Variants in SH3PXD2B observed in about 807,000 individuals in gnomAD.
The protein encoded by SH3PXD2B is SH3 and PX domains 2B, also known as SH3 and PX domain-containing protein 2B.
Under a neutral mutation model 73.1 loss-of-function variants are expected in SH3PXD2B, and 37 were observed. The ratio of observed to expected loss-of-function variants is 0.51; its 90% CI spans 0.39 to 0.67. The LOEUF (loss-of-function observed/expected upper bound fraction) is 0.67, where lower values mean the gene tolerates loss of function less well. Ranked by LOEUF, SH3PXD2B falls within the 30% of genes least tolerant of loss-of-function variation. The probability of loss-of-function intolerance (pLI) is 0.00; values close to 1 mark genes in which losing one functional copy is unlikely to be tolerated. For synonymous variants in SH3PXD2B, 457 were observed against 480.5 expected (o/e 0.95, Z 0.64); for missense variants, 1,053 against 1,197.8 (o/e 0.88, Z 1.78).
At chr5:172,343,947 T>A (rs1268403148) in intron 12 of SH3PXD2B, among the ~76,000 whole-genome samples, 2 of 151,326 alleles carry the variant, frequency 1.3e-5, no homozygotes, top group Non-Finnish European at 2.9e-5. Flanking sequence ...CTGAGTCTCA[T>A]CTATAAAACA....
chr5:172,339,678 C>T lies in SH3PXD2B; in HGVS notation c.1427G>A (p.Gly476Asp). Residue 476 changes from glycine to aspartate, a missense_variant, in exon 13 of 13, where the codon GGT (glycine) becomes GAT (aspartate). Gly to Asp is a moderately conservative substitution (Grantham distance 94, BLOSUM62 -1). Transcript: ENST00000311601. This position sits in a 1 kb window ranked among gnomAD's most constrained non-coding sequence, Gnocchi z 6.1. ...CCATGGCAACCCCGAGTCCATGACACCATGCGGTGCGTCAGGCAGGGGCCG... is the reference window on the plus strand; with the variant it reads ...CCATGGCAACCCCGAGTCCATGACATCATGCGGTGCGTCAGGCAGGGGCCG... ...PSRPLPDAPH[G>D]VMDSGLPWSK... The T allele has an allele frequency of 6.2e-7, 1 of 1,614,258 alleles. No homozygotes were observed. Among genetic ancestry groups the T allele is most frequent in the Admixed American group, 1.7e-5 (1 of 60,034 alleles).
At position 172,336,831 on chromosome 5, in the gene SH3PXD2B, T is replaced by C. The variant is rs1394914874; in HGVS notation, c.*1538A>G. 7.1e-6 allele frequency: 7 copies of C among 985,554 alleles called. No individual in the cohort carries two copies. Among genetic ancestry groups the C allele is most frequent in the Non-Finnish European group, 8.4e-6 (7 of 830,020 alleles). 61.1% of individuals were successfully genotyped at this position (985,554 alleles called of 1,614,324 possible). On this transcript the variant is annotated 3_prime_UTR_variant, in exon 13 of 13. Transcript: ENST00000311601. Reference sequence around the variant, plus strand: ...TTTTGCTTCTGCAGTGATTTAGTCATGCCTCTCCAGACCTCAGTTTGACAG... The same window carrying C: ...TTTTGCTTCTGCAGTGATTTAGTCACGCCTCTCCAGACCTCAGTTTGACAG...
intron 12 of SH3PXD2B, among the ~76,000 whole-genome samples, chr5:172,341,080 CTCTG>C (rs1055461842): frequency 2.0e-5 from 3 of 152,130 alleles, no homozygotes; most frequent in Non-Finnish European, 2.9e-5. Context: ...AGATCTTGTT[CTCTG>C]TCTCTTTTTT....
chr5:172,365,105 C>T (rs1561906161), intron 6 of SH3PXD2B, among the ~76,000 whole-genome samples: 1 of 152,184 alleles, frequency 6.6e-6, no homozygotes, highest in African/African-American at 2.4e-5. Flanking sequence ...GGCCTTTGGG[C>T]TGGGGACAAC....
At chr5:172,325,184 T>C in exon 13 of SH3PXD2B, 1 of 858,336 alleles carries the variant, frequency 1.2e-6, no homozygotes, top group East Asian at 2.7e-5. Flanking sequence ...TGGTAAGTTT[T>C]GTATTACGCA....
intron 3 of SH3PXD2B, among the ~76,000 whole-genome samples, chr5:172,398,822 CCT>C (rs1250206374): frequency 1.3e-5 from 2 of 152,174 alleles, no homozygotes; most frequent in East Asian, 3.9e-4. Flanking sequence ...AGGACTGACC[CCT>C]GAGGCTTCAC....
chr5:172,333,539 TTAA>T lies in SH3PXD2B; in HGVS notation c.*4827_*4829del, dbSNP rs1756611584. 2 of 1,118,558 alleles carry T rather than the reference TTAA, an allele frequency of 1.8e-6. No homozygotes were observed. The highest frequency in any genetic ancestry group is 4.3e-5 in the African/African-American group (2 of 46,248). The allele number at this position is 1,118,558 out of a possible 1,614,324, so 69.3% of individuals were successfully genotyped here. A position where few individuals can be genotyped will look rare whatever the true frequency, so the allele number is the denominator to read the frequency against. ...GAAACCAGTCAAGCACTTTTTTTAT[TTAA>T]AAAAAAAAAAAGGAAAGAAGTCAAA... On this transcript the variant is annotated 3_prime_UTR_variant, in exon 13 of 13. Coordinates refer to ENST00000311601, the MANE Select transcript of SH3PXD2B (RefSeq NM_001017995.3).
intron 10 of SH3PXD2B, among the ~76,000 whole-genome samples, chr5:172,348,654 C>CTATCTATCTTATCTTAT (rs1440672001): frequency 5.0e-5 from 3 of 60,450 alleles, no homozygotes; most frequent in South Asian, 7.4e-4. Context: ...ATCTATCTAT[C>CTATCTATCTTATCTTAT]CTATCTATCT....
At chr5:172,409,225 C>A (rs968353845) in intron 2 of SH3PXD2B, among the ~76,000 whole-genome samples, 1 of 151,790 alleles carries the variant, frequency 6.6e-6, no homozygotes, top group Non-Finnish European at 1.5e-5. Flanking sequence ...ACTAAAAATA[C>A]AAAAAAATTA....
Position 172,371,814 on chromosome 5 carries a change from A to C in SH3PXD2B, c.427+1976T>G, listed in dbSNP as rs181899896. 1.2e-4 allele frequency among the ~76,000 whole-genome samples: 19 copies of C among 152,234 alleles called. No homozygotes were observed. In the East Asian group the frequency reaches 2.5e-3, roughly 20 times the overall value. On this transcript the variant is annotated intron_variant, in intron 6 of 12. Coordinates refer to ENST00000311601, the MANE Select transcript of SH3PXD2B (RefSeq NM_001017995.3). ...CCTCCCACACCCATTCCTTCTAGGG[A>C]AAGTCTCTGCATACTCGAAACCAGA...
At chr5:172,371,385 A>G (rs1190008298) in intron 6 of SH3PXD2B, among the ~76,000 whole-genome samples, 1 of 152,186 alleles carries the variant, frequency 6.6e-6, no homozygotes, top group East Asian at 1.9e-4. Context: ...AGTCTGTAGG[A>G]GCCAGCCAGC....
intron 10 of SH3PXD2B, 136 bp downstream of exon 10, chr5:172,350,227 G>A: frequency 1.3e-6 from 1 of 799,480 alleles, no homozygotes; most frequent in Non-Finnish European, 2.0e-6. Context: ...GGGGTTTCTG[G>A]GCCTCTGTTT....
chr5:172,454,219 C>A, intron 1 of SH3PXD2B, 59 bp downstream of exon 1: 1 of 1,484,074 alleles, frequency 6.7e-7, no homozygotes, highest in South Asian at 1.2e-5. Flanking sequence ...GCCGGGGGCC[C>A]TCGGTCGCCC....
intron 3 of SH3PXD2B, among the ~76,000 whole-genome samples, chr5:172,395,851 G>A (rs571676695): frequency 3.9e-5 from 6 of 152,252 alleles, no homozygotes; most frequent in Non-Finnish European, 8.8e-5. Context: ...GAAGGTGTGG[G>A]AGGACCAAAG....
chr5:172,370,776 C>T (rs1739691664), intron 6 of SH3PXD2B, among the ~76,000 whole-genome samples: 1 of 152,206 alleles, frequency 6.6e-6, no homozygotes, highest in Non-Finnish European at 1.5e-5. Flanking sequence ...AAAAAAGGTT[C>T]ATTCATTTGA....
At chr5:172,423,135 C>T (rs531054193) in intron 1 of SH3PXD2B, among the ~76,000 whole-genome samples, 26 of 152,268 alleles carry the variant, frequency 1.7e-4, no homozygotes, top group East Asian at 1.3e-3. Flanking sequence ...CGTCACGGCA[C>T]GCACAGAAAA....
intron 6 of SH3PXD2B, among the ~76,000 whole-genome samples, chr5:172,367,039 C>T (rs1321941835): frequency 6.9e-6 from 1 of 145,472 alleles, no homozygotes; most frequent in Non-Finnish European, 1.5e-5. Context: ...AGGGCTCAGG[C>T]GATTCTCTCG....
At chr5:172,355,050 T>C (rs1446300956) in intron 8 of SH3PXD2B, among the ~76,000 whole-genome samples, 2 of 152,196 alleles carry the variant, frequency 1.3e-5, no homozygotes, top group Admixed American at 6.5e-5. Context: ...TGGATGTGTG[T>C]CTCAAGGGAG....
chr5:172,348,307 C>G (rs573797019), intron 10 of SH3PXD2B, among the ~76,000 whole-genome samples: 1 of 152,070 alleles, frequency 6.6e-6, no homozygotes, highest in Admixed American at 6.5e-5. Flanking sequence ...AGAAGGAATG[C>G]AACCTGGGAT....
Sources: gnomAD v4.1 joint callset for allele counts (sites outside exome capture counted in the v4.1 genomes callset) on GRCh38, gnomAD v4.1.1 for gene constraint, Gnocchi (gnomAD v3.1) non-coding constraint, MANE v1.5 for transcripts, NCBI Gene and HGNC (gene_info 2026-07-23, HGNC 2026-07-21) for gene names.